LRRC4C: variants seen among roughly 807,000 people sequenced by gnomAD.
The protein encoded by LRRC4C is leucine-rich repeat-containing protein 4C.
LRRC4C carries 5 observed loss-of-function variants against 33.6 expected under a neutral mutation model. The ratio of observed to expected loss-of-function variants is 0.15; its 90% CI spans 0.08 to 0.31. LRRC4C has a LOEUF of 0.31. Among genes scored for constraint, LRRC4C ranks in the 10% least tolerant of loss-of-function variants. LRRC4C has a pLI of 1.00. For synonymous variants in LRRC4C, 329 were observed against 302.0 expected, an observed-to-expected ratio of 1.09 and a Z score of -0.93; for missense variants, 560 against 796.7, an observed-to-expected ratio of 0.70 and a Z score of 3.58.
chr11:40,399,639 T>A (rs1025482138), intron 3 of LRRC4C, among the ~76,000 whole-genome samples: 15 of 151,966 alleles, frequency 9.9e-5, no homozygotes, highest in African/African-American at 3.1e-4. Flanking sequence ...CATATGTAAC[T>A]AACCTGCACA....
At position 40,500,175 on chromosome 11, in the gene LRRC4C, G is replaced by A. The variant is rs551228146; in HGVS notation, c.-270+147967C>T. Among the ~76,000 whole-genome samples, 15 of 151,304 alleles carry A rather than the reference G, an allele frequency of 9.9e-5. No homozygotes were observed. In the South Asian group the frequency reaches 1.5e-3, roughly 15 times the overall value. ...CTGGGGATGAGTTACTTAACCTGTC[G>A]CATCCTCAACATAAGATGTATGGAT... On this transcript the variant is annotated intron_variant, in intron 3 of 6. Transcript: ENST00000528697.
At chr11:40,477,982 T>C (rs950557365) in intron 3 of LRRC4C, among the ~76,000 whole-genome samples, 1 of 152,164 alleles carries the variant, frequency 6.6e-6, no homozygotes, top group African/African-American at 2.4e-5. Context: ...GTTTTACAAA[T>C]GGGAGTTTCC....
intron 1 of LRRC4C, among the ~76,000 whole-genome samples, chr11:41,044,237 A>T (rs2138028039): frequency 6.6e-6 from 1 of 152,258 alleles, no homozygotes; most frequent in African/African-American, 2.4e-5. Flanking sequence ...GAATAGAAGG[A>T]AAACTTCGAA....
At chr11:40,571,768 T>C (rs1411238969) in intron 3 of LRRC4C, among the ~76,000 whole-genome samples, 5 of 152,190 alleles carry the variant, frequency 3.3e-5, no homozygotes, top group African/African-American at 1.2e-4. Flanking sequence ...ATTTGAAGCC[T>C]TCAGGTTTTA....
chr11:41,113,502 T>A (rs995430497), intron 1 of LRRC4C, among the ~76,000 whole-genome samples: 1 of 152,032 alleles, frequency 6.6e-6, no homozygotes, highest in Non-Finnish European at 1.5e-5. Context: ...CACTCAGCAA[T>A]TCACAAAAAA....
At chr11:40,282,342 C>T (rs1289175652) in intron 4 of LRRC4C, among the ~76,000 whole-genome samples, 3 of 152,048 alleles carry the variant, frequency 2.0e-5, no homozygotes, top group African/African-American at 7.2e-5. Context: ...GAGACTCCAT[C>T]TCAAAAACAA....
At chr11:40,247,295 A>G (rs183176701) in intron 4 of LRRC4C, among the ~76,000 whole-genome samples, 3 of 152,106 alleles carry the variant, frequency 2.0e-5, no homozygotes, top group East Asian at 1.9e-4. Flanking sequence ...GCATTTTCCT[A>G]TTATAAAGCT....
At chr11:40,616,375 A>G (rs1479140002) in intron 3 of LRRC4C, among the ~76,000 whole-genome samples, 1 of 152,078 alleles carries the variant, frequency 6.6e-6, no homozygotes, top group Admixed American at 6.6e-5. Flanking sequence ...ATCTAGAACT[A>G]GAAACACCAT....
At chr11:40,797,548 A>G (rs1377570087) in intron 2 of LRRC4C, among the ~76,000 whole-genome samples, 2 of 152,170 alleles carry the variant, frequency 1.3e-5, no homozygotes, top group Non-Finnish European at 2.9e-5. Context: ...ATTTTATTAT[A>G]TAGACTACAG....
At chr11:40,976,869 G>A (rs1852123221) in intron 1 of LRRC4C, among the ~76,000 whole-genome samples, 1 of 152,096 alleles carries the variant, frequency 6.6e-6, no homozygotes, top group Non-Finnish European at 1.5e-5. Flanking sequence ...GGGGCAGGGG[G>A]ATCGTTTGGG....
intron 2 of LRRC4C, among the ~76,000 whole-genome samples, chr11:40,703,894 C>G (rs1012078183): frequency 3.3e-5 from 5 of 152,032 alleles, no homozygotes; most frequent in Admixed American, 3.3e-4. Context: ...ATTAATCTTA[C>G]CATTTTAATA....
chr11:40,369,097 T>C (rs1285692083), intron 3 of LRRC4C, among the ~76,000 whole-genome samples: 1 of 152,292 alleles, frequency 6.6e-6, no homozygotes, highest in African/African-American at 2.4e-5. Context: ...TATCTATTGA[T>C]AACCTGTCAG....
At chr11:40,759,965 A>C (rs1161945486) in intron 2 of LRRC4C, among the ~76,000 whole-genome samples, 5 of 144,094 alleles carry the variant, frequency 3.5e-5, no homozygotes, top group South Asian at 4.4e-4. Context: ...ACAACAACAA[A>C]AAAAAAAAAA....
At chr11:41,066,781 T>C in intron 1 of LRRC4C, among the ~76,000 whole-genome samples, 1 of 152,098 alleles carries the variant, frequency 6.6e-6, no homozygotes, top group East Asian at 1.9e-4. Context: ...AAGAAAAGAA[T>C]TTCCAACCCA....
chr11:40,889,487 C>T (rs1426794570), intron 2 of LRRC4C, among the ~76,000 whole-genome samples: 1 of 151,790 alleles, frequency 6.6e-6, no homozygotes, highest in Non-Finnish European at 1.5e-5. Flanking sequence ...ACAGGTATTC[C>T]TTATTAAAAT....
chr11:40,606,100 G>T (rs184673643), intron 3 of LRRC4C, among the ~76,000 whole-genome samples: 1 of 152,310 alleles, frequency 6.6e-6, no homozygotes, highest in African/African-American at 2.4e-5. Flanking sequence ...GAAGAGTAAA[G>T]TGTGTGTTCA....
At chr11:40,520,347 T>C (rs1268873157) in intron 3 of LRRC4C, among the ~76,000 whole-genome samples, 1 of 150,138 alleles carries the variant, frequency 6.7e-6, no homozygotes, top group African/African-American at 2.5e-5. Context: ...TAACATGCTT[T>C]CTTCACTAAG....
In LRRC4C at chr11:40,214,105, A is replaced by G. The variant is rs564478753; in HGVS notation, c.-96+27414T>C. Among the ~76,000 whole-genome samples the G allele has an allele frequency of 4.6e-5, 7 of 152,308 alleles. No individual in the cohort carries two copies. The South Asian group carries it at 1.5e-3, about 32-fold the overall frequency. ...CCCCTGTGGAGGCTGGAGCAACTCC[A>G]TCTTTGATGCTTACCTGCCATGTTA... On this transcript the variant is annotated intron_variant, in intron 5 of 6. Transcript: ENST00000528697.
At chr11:40,633,058 A>T (rs1963600560) in intron 3 of LRRC4C, among the ~76,000 whole-genome samples, 1 of 152,110 alleles carries the variant, frequency 6.6e-6, no homozygotes, top group Admixed American at 6.6e-5. Flanking sequence ...CTCTTCTTAC[A>T]TCCTTTATTT....
Sources: allele counts gnomAD v4.1 joint callset (sites outside exome capture counted in the v4.1 genomes callset), GRCh38; gene constraint gnomAD v4.1.1; transcripts MANE v1.5; gene names NCBI Gene and HGNC (gene_info 2026-07-23, HGNC 2026-07-21).